PTPRD: variants seen among roughly 807,000 people sequenced by gnomAD.
PTPRD encodes receptor-type tyrosine-protein phosphatase delta.
A neutral mutation model predicts 214.5 loss-of-function variants in PTPRD; 34 were observed. The observed-to-expected ratio is 0.16, with a 90% CI of 0.12 to 0.21. The LOEUF (loss-of-function observed/expected upper bound fraction) is 0.21, where lower values mean the gene tolerates loss of function less well. Among genes scored for constraint, PTPRD ranks in the 10% least tolerant of loss-of-function variants. The probability of loss-of-function intolerance (pLI) is 1.00; values close to 1 mark genes in which losing one functional copy is unlikely to be tolerated. For missense variants in PTPRD, 2,545 were observed against 2,398.7 expected (o/e 1.06, Z -1.27); for synonymous variants, 1,128 against 845.7 (o/e 1.33, Z -5.79).
At chr9:10,266,195 G>A (rs758118287) in intron 3 of PTPRD, among the ~76,000 whole-genome samples, 4 of 151,912 alleles carry the variant, frequency 2.6e-5, no homozygotes, top group African/African-American at 4.8e-5. Context: ...CTAGTTAAGT[G>A]TGCCTTAAAA....
intron 35 of PTPRD, among the ~76,000 whole-genome samples, chr9:8,412,099 G>C (rs1034556174): frequency 6.6e-6 from 1 of 152,156 alleles, no homozygotes; most frequent in Non-Finnish European, 1.5e-5. Flanking sequence ...TATAAAGTAT[G>C]ATATTTAATA....
chr9:9,288,037 G>C (rs1249975690), intron 9 of PTPRD, among the ~76,000 whole-genome samples: 2 of 151,606 alleles, frequency 1.3e-5, no homozygotes, highest in Admixed American at 1.3e-4. Context: ...TGCAGCACAA[G>C]ATTTCCTATT....
intron 14 of PTPRD, 144 bp downstream of exon 14, chr9:8,633,169 ACTGT>A (rs1375974446): frequency 1.0e-6 from 1 of 956,016 alleles, no homozygotes; most frequent in Non-Finnish European, 1.5e-6. Context: ...GAAGGTATCC[ACTGT>A]CTAATTAAAG....
chr9:10,221,046 T>G (rs936248199), intron 3 of PTPRD, among the ~76,000 whole-genome samples: 3 of 152,040 alleles, frequency 2.0e-5, no homozygotes, highest in Non-Finnish European at 4.4e-5. Flanking sequence ...ACTAGTGGTT[T>G]GAGATGCTGT....
At chr9:8,520,051 G>T (rs937800175) in intron 20 of PTPRD, among the ~76,000 whole-genome samples, 1 of 152,122 alleles carries the variant, frequency 6.6e-6, no homozygotes, top group East Asian at 1.9e-4. Context: ...ATTCTGACCT[G>T]GCATTTTTCA....
At chr9:8,402,425 T>C (rs1317624594) in intron 36 of PTPRD, among the ~76,000 whole-genome samples, 1 of 152,104 alleles carries the variant, frequency 6.6e-6, no homozygotes, top group Non-Finnish European at 1.5e-5. Flanking sequence ...AGAAAAATAA[T>C]GACAAAGTGA....
chr9:8,950,897 C>T (rs996249374), intron 11 of PTPRD, among the ~76,000 whole-genome samples: 6 of 151,936 alleles, frequency 3.9e-5, no homozygotes, highest in East Asian at 3.9e-4. Flanking sequence ...TTTCTGACCA[C>T]GGCAAATATA....
chr9:8,787,400 C>T (rs562582156), intron 11 of PTPRD, among the ~76,000 whole-genome samples: 5 of 152,132 alleles, frequency 3.3e-5, no homozygotes, highest in Non-Finnish European at 4.4e-5. Flanking sequence ...TCATTTCTGA[C>T]GATGACAATT....
At chr9:10,209,473 A>G (rs1449829891) in intron 3 of PTPRD, among the ~76,000 whole-genome samples, 1 of 152,100 alleles carries the variant, frequency 6.6e-6, no homozygotes, top group Admixed American at 6.6e-5. Context: ...AAGTCCAATC[A>G]ATTCAAACTT....
intron 11 of PTPRD, among the ~76,000 whole-genome samples, chr9:8,973,274 G>C (rs564744492): frequency 1.3e-5 from 2 of 151,574 alleles, no homozygotes; most frequent in African/African-American, 4.8e-5. Flanking sequence ...ATGTCCCTGC[G>C]CGCTCAATGT....
At chr9:9,345,624 T>C (rs2048499503) in intron 9 of PTPRD, among the ~76,000 whole-genome samples, 2 of 152,216 alleles carry the variant, frequency 1.3e-5, no homozygotes, top group Admixed American at 1.3e-4. Context: ...TCATCCCATA[T>C]GGCTAGATTA....
intron 5 of PTPRD, among the ~76,000 whole-genome samples, chr9:9,835,752 T>A (rs1190897585): frequency 1.3e-5 from 2 of 152,018 alleles, no homozygotes; most frequent in Non-Finnish European, 2.9e-5. Context: ...CAGGACTCCA[T>A]CATAACACAG....
intron 10 of PTPRD, among the ~76,000 whole-genome samples, chr9:9,176,883 G>T (rs934767078): frequency 1.3e-5 from 2 of 152,080 alleles, no homozygotes; most frequent in South Asian, 4.1e-4. Context: ...TTGTGTTATA[G>T]CAGCACAAAA....
At chr9:9,254,129 G>A (rs1390837016) in intron 9 of PTPRD, among the ~76,000 whole-genome samples, 1 of 152,016 alleles carries the variant, frequency 6.6e-6, no homozygotes, top group East Asian at 1.9e-4. Flanking sequence ...CATCTTCTAA[G>A]CAAAGACTTT....
At chr9:9,325,473 T>A (rs184472360) in intron 9 of PTPRD, among the ~76,000 whole-genome samples, 30 of 152,316 alleles carry the variant, frequency 2.0e-4, no homozygotes, top group Non-Finnish European at 3.7e-4. Context: ...GAGAGGTCAC[T>A]CATTATTTGG....
At chr9:10,606,802 C>T (rs925620838) in intron 2 of PTPRD, among the ~76,000 whole-genome samples, 37 of 151,780 alleles carry the variant, frequency 2.4e-4, no homozygotes, top group Non-Finnish European at 4.4e-4. Context: ...GAAGGAGTCC[C>T]CTTTTTAACA....
At chr9:10,423,080 A>G (rs1310445996) in intron 2 of PTPRD, among the ~76,000 whole-genome samples, 1 of 152,138 alleles carries the variant, frequency 6.6e-6, no homozygotes, top group Non-Finnish European at 1.5e-5. Flanking sequence ...GATAGACTGG[A>G]TTAAGAAAAC....
At chr9:8,753,828 T>C (rs73419275) in intron 11 of PTPRD, among the ~76,000 whole-genome samples, 7,702 of 152,232 alleles carry the variant, frequency 0.051, 486 homozygotes, top group African/African-American at 0.15. Flanking sequence ...TGGATGATTA[T>C]AGTATGTTCA....
intron 35 of PTPRD, among the ~76,000 whole-genome samples, chr9:8,409,635 CA>C (rs2093349738): frequency 1.3e-5 from 2 of 152,080 alleles, no homozygotes; most frequent in South Asian, 4.1e-4. Flanking sequence ...CTGCAAAATT[CA>C]ACCTTTTTAC....
Sources: gnomAD v4.1 joint callset for allele counts (sites outside exome capture counted in the v4.1 genomes callset) on GRCh38, gnomAD v4.1.1 for gene constraint, MANE v1.5 for transcripts, NCBI Gene and HGNC (gene_info 2026-07-23, HGNC 2026-07-21) for gene names.